GABRB2: variants seen among roughly 807,000 people sequenced by gnomAD.
The protein encoded by GABRB2 is gamma-aminobutyric acid type A receptor subunit beta2.
Under a neutral mutation model 54.7 loss-of-function variants are expected in GABRB2, and 16 were observed. That is an observed-to-expected ratio of 0.29 (90% CI 0.20 to 0.44). GABRB2 has a LOEUF of 0.44. Ranked by LOEUF, GABRB2 falls within the 20% of genes least tolerant of loss-of-function variation. The pLI is 1.00. For missense variants in GABRB2, 355 were observed against 644.0 expected, an observed-to-expected ratio of 0.55 and a Z score of 4.86; for synonymous variants, 244 against 233.8, an observed-to-expected ratio of 1.04 and a Z score of -0.40.
chr5:161,500,509 T>C (rs569492914), intron 3 of GABRB2, among the ~76,000 whole-genome samples: 1 of 152,268 alleles, frequency 6.6e-6, no homozygotes, highest in South Asian at 2.1e-4. Context: ...GGTTAATAGA[T>C]TTTTTGGCTG....
Position 161,337,027 on chromosome 5 carries a change from T to C in GABRB2, c.542-258A>G, listed in dbSNP as rs1386035245. Among the ~76,000 whole-genome samples the C allele has an allele frequency of 4.6e-5, 7 of 152,238 alleles. No homozygotes were observed. The East Asian group carries it at 1.2e-3, about 25-fold the overall frequency. On this transcript the variant is annotated intron_variant, in intron 5 of 9. Transcript: ENST00000393959. Reference sequence around the variant, plus strand: ...CAAAAGCTTAGAGAAATTAACAGCATAGATTCTCTTGCAACTAGGAATAGT... The same window carrying C: ...CAAAAGCTTAGAGAAATTAACAGCACAGATTCTCTTGCAACTAGGAATAGT...
chr5:161,317,098 C>T (rs1053703729), intron 9 of GABRB2, among the ~76,000 whole-genome samples: 5 of 151,914 alleles, frequency 3.3e-5, no homozygotes, highest in East Asian at 3.9e-4. Context: ...AAAATGACAA[C>T]GTAATGAAAA....
At chr5:161,455,529 A>T (rs1248214260) in intron 4 of GABRB2, among the ~76,000 whole-genome samples, 31 of 137,920 alleles carry the variant, frequency 2.2e-4, no homozygotes, top group Admixed American at 2.1e-3. Context: ...TTGTTCCCCA[A>T]TTTTTTTTTT....
At chr5:161,408,775 G>A (rs879821728) in intron 5 of GABRB2, among the ~76,000 whole-genome samples, 11 of 151,828 alleles carry the variant, frequency 7.2e-5, no homozygotes, top group Admixed American at 6.6e-4. Flanking sequence ...AGAGATGAGG[G>A]GAGAGCTGAG....
chr5:161,523,763 C>G (rs1049150454), intron 3 of GABRB2, among the ~76,000 whole-genome samples: 10 of 151,526 alleles, frequency 6.6e-5, no homozygotes, highest in African/African-American at 9.7e-5. Flanking sequence ...ATTCTATTGT[C>G]ACCTCCATTG....
chr5:161,390,115 T>G (rs577104678), intron 5 of GABRB2, among the ~76,000 whole-genome samples: 1 of 152,070 alleles, frequency 6.6e-6, no homozygotes, highest in African/African-American at 2.4e-5. Flanking sequence ...ACAACCCATA[T>G]GTAAACTAAT....
At position 161,290,130 on chromosome 5, in the gene GABRB2, G is replaced by A. The variant is rs1307397842; in HGVS notation, c.*3951C>T. 6.6e-6 allele frequency: 1 copy of A among 152,282 alleles called. No individual in the cohort carries two copies. Among genetic ancestry groups the A allele is most frequent in the Non-Finnish European group, 1.5e-5 (1 of 67,956 alleles). 9.4% of individuals were successfully genotyped at this position (152,282 alleles called of 1,614,324 possible). ...GAAATCTGTTTTAATATTTACACAC[G>A]TTCAGTGAAAGTTATGGTTGCTCAC... On this transcript the variant is annotated 3_prime_UTR_variant, in exon 10 of 10. Transcript: ENST00000393959.
intron 8 of GABRB2, among the ~76,000 whole-genome samples, chr5:161,328,222 A>G (rs1758425758): frequency 6.6e-6 from 1 of 152,232 alleles, no homozygotes; most frequent in African/African-American, 2.4e-5. Flanking sequence ...ACACTGCTTT[A>G]GGGATGCTAC....
intron 3 of GABRB2, among the ~76,000 whole-genome samples, chr5:161,517,862 T>C (rs146737573): frequency 1.7e-3 from 251 of 152,002 alleles, no homozygotes; most frequent in Non-Finnish European, 2.6e-3. Context: ...AGTGGCATGA[T>C]CTCAGCTCAC....
intron 4 of GABRB2, among the ~76,000 whole-genome samples, chr5:161,437,985 G>A (rs1757358600): frequency 6.6e-6 from 1 of 152,194 alleles, no homozygotes; most frequent in African/African-American, 2.4e-5. Flanking sequence ...TGCCCTGAAG[G>A]GAAAGATGCA....
intron 4 of GABRB2, among the ~76,000 whole-genome samples, chr5:161,421,091 T>C (rs1371200948): frequency 6.6e-6 from 1 of 152,210 alleles, no homozygotes; most frequent in Non-Finnish European, 1.5e-5. Context: ...TTCATGATAT[T>C]TGTCACCATC....
At chr5:161,421,376 A>G (rs1009418247) in intron 4 of GABRB2, among the ~76,000 whole-genome samples, 1 of 152,110 alleles carries the variant, frequency 6.6e-6, no homozygotes, top group South Asian at 2.1e-4. Context: ...TGACTTTTAT[A>G]TCCTCTCTTT....
intron 9 of GABRB2, among the ~76,000 whole-genome samples, chr5:161,302,959 G>A (rs1417013259): frequency 6.6e-6 from 1 of 152,136 alleles, no homozygotes; most frequent in African/African-American, 2.4e-5. Flanking sequence ...AAGTAAACAG[G>A]AAATACTGCT....
intron 3 of GABRB2, among the ~76,000 whole-genome samples, chr5:161,541,180 T>C (rs529118566): frequency 1.2e-3 from 180 of 152,188 alleles, no homozygotes; most frequent in Non-Finnish European, 1.9e-3. Flanking sequence ...TTTTTTTTTT[T>C]TTCTGAGCAC....
intron 4 of GABRB2, among the ~76,000 whole-genome samples, chr5:161,419,687 C>CT (rs1338736193): frequency 1.3e-5 from 2 of 152,162 alleles, no homozygotes; most frequent in East Asian, 3.9e-4. Context: ...GGCCATTATC[C>CT]TGAGTGAAAT....
At chr5:161,546,513 C>T in intron 1 of GABRB2, 54 bp downstream of exon 1, 1 of 1,570,402 alleles carries the variant, frequency 6.4e-7, no homozygotes, top group Non-Finnish European at 8.7e-7. Context: ...CAGAGGTATG[C>T]AGACAGAACC....
intron 4 of GABRB2, among the ~76,000 whole-genome samples, chr5:161,436,694 G>A (rs757228201): frequency 1.1e-4 from 17 of 152,166 alleles, no homozygotes; most frequent in South Asian, 8.3e-4. Flanking sequence ...GTGAGCATTC[G>A]TAGTACCTGT....
intron 9 of GABRB2, among the ~76,000 whole-genome samples, chr5:161,306,087 G>A (rs963817641): frequency 5.9e-5 from 9 of 151,918 alleles, no homozygotes; most frequent in African/African-American, 1.9e-4. Flanking sequence ...GTCGTTGGAG[G>A]ACTCATGGTT....
At chr5:161,457,874 G>C (rs1158622640) in intron 4 of GABRB2, among the ~76,000 whole-genome samples, 1 of 152,012 alleles carries the variant, frequency 6.6e-6, no homozygotes. Context: ...AGTCAGTATT[G>C]GGTATACAAA....
Sources: allele counts gnomAD v4.1 joint callset (sites outside exome capture counted in the v4.1 genomes callset), GRCh38; gene constraint gnomAD v4.1.1; transcripts MANE v1.5; gene names NCBI Gene and HGNC (gene_info 2026-07-23, HGNC 2026-07-21).